Variants in CTNNBIP1 observed in about 807,000 individuals in gnomAD.
The protein encoded by CTNNBIP1 is catenin beta interacting protein 1.
CTNNBIP1 carries 7 observed loss-of-function variants against 11.8 expected under a neutral mutation model. That is an observed-to-expected ratio of 0.60 (90% confidence interval 0.34 to 1.12). The LOEUF is 1.12. Ranked by LOEUF, CTNNBIP1 falls within the 50% of genes most tolerant of loss-of-function variation. The pLI is 0.03. For synonymous variants in CTNNBIP1, 58 were observed against 43.9 expected, an observed-to-expected ratio of 1.32 and a Z score of -1.26; for missense variants, 101 against 113.4, an observed-to-expected ratio of 0.89 and a Z score of 0.50.
intron 5 of CTNNBIP1, among the ~76,000 whole-genome samples, chr1:9,858,125 T>C (rs1220404): frequency 0.17 from 25,146 of 152,134 alleles, 2,281 homozygotes; most frequent in South Asian, 0.23. Context: ...ACTTATAAGG[T>C]AGATGCTAAG....
rs1638332880 is a variant in CTNNBIP1 at position 9,849,628 on chromosome 1, G to A, written c.*1090C>T. Reference sequence around the variant, plus strand: ...TCTTTGGGGTCTCACACTGGGAGAAGCTCCTCCCCTTTCCAAGATGACCCC... The same window carrying A: ...TCTTTGGGGTCTCACACTGGGAGAAACTCCTCCCCTTTCCAAGATGACCCC... On this transcript the variant is annotated 3_prime_UTR_variant, in exon 6 of 6. Transcript: ENST00000377263. The A allele has an allele frequency of 6.6e-6, 1 of 152,274 alleles. No homozygotes were observed. Among genetic ancestry groups the A allele is most frequent in the Non-Finnish European group, 1.5e-5 (1 of 68,082 alleles). The allele number at this position is 152,274 out of a possible 1,614,324, so 9.4% of individuals were successfully genotyped here.
chr1:9,879,196 CA>C (rs35308314), intron 2 of CTNNBIP1, among the ~76,000 whole-genome samples: 6,061 of 146,752 alleles, frequency 0.041, 387 homozygotes, highest in African/African-American at 0.14. Context: ...GACTCCATCT[CA>C]AAAAAAAAAA....
chr1:9,881,599 A>G (rs541409655), intron 2 of CTNNBIP1, among the ~76,000 whole-genome samples: 2 of 151,874 alleles, frequency 1.3e-5, no homozygotes, highest in Non-Finnish European at 2.9e-5. Context: ...TCAGTCTCCC[A>G]AAGTGCTGGG....
intron 1 of CTNNBIP1, among the ~76,000 whole-genome samples, chr1:9,896,573 G>A (rs1202130333): frequency 2.0e-5 from 3 of 151,956 alleles, no homozygotes; most frequent in East Asian, 1.9e-4. Context: ...GGCGGCTCAC[G>A]CTTCTAATCC....
In CTNNBIP1 at chr1:9,894,529, TTTTTC is replaced by T. The variant is rs368076909; in HGVS notation, c.-143-10796_-143-10792del. ...CACAACCACACTCGACTGCTTTTTTTTTTTCTTTTCTTTTGTGAGACAGGGTCTCA... is the reference window on the plus strand; with the variant it reads ...CACAACCACACTCGACTGCTTTTTTTTTTTCTTTTGTGAGACAGGGTCTCA... On this transcript the variant is annotated intron_variant, in intron 1 of 5. Coordinates refer to ENST00000377263, the MANE Select transcript of CTNNBIP1 (RefSeq NM_020248.3). 3.4e-4 allele frequency among the ~76,000 whole-genome samples: 51 copies of T among 151,114 alleles called. No homozygotes were observed. In the East Asian group the frequency reaches 5.7e-3, roughly 17 times the overall value.
intron 3 of CTNNBIP1, among the ~76,000 whole-genome samples, chr1:9,874,575 C>T (rs1456298273): frequency 6.6e-6 from 1 of 152,098 alleles, no homozygotes; most frequent in East Asian, 1.9e-4. Flanking sequence ...TCTGAAAGTG[C>T]CCTGTTGGAG....
At chr1:9,891,854 T>G (rs1393515956) in intron 1 of CTNNBIP1, among the ~76,000 whole-genome samples, 1 of 134,704 alleles carries the variant, frequency 7.4e-6, no homozygotes, top group Non-Finnish European at 1.5e-5. Context: ...CAGGCTGGAG[T>G]GCAGTGGCGC....
At chr1:9,856,945 A>AATC (rs961041482) in intron 5 of CTNNBIP1, among the ~76,000 whole-genome samples, 1 of 151,522 alleles carries the variant, frequency 6.6e-6, no homozygotes, top group African/African-American at 2.4e-5. Flanking sequence ...CAACATGGTG[A>AATC]AACCCAGTCT....
chr1:9,878,345 A>G (rs1379881314), intron 2 of CTNNBIP1, among the ~76,000 whole-genome samples: 1 of 152,190 alleles, frequency 6.6e-6, no homozygotes, highest in Non-Finnish European at 1.5e-5. Flanking sequence ...TCACTCCAGG[A>G]AAGTTGATGG....
At chr1:9,876,847 C>CAT (rs1273243993) in intron 3 of CTNNBIP1, among the ~76,000 whole-genome samples, 10 of 7,376 alleles carry the variant, frequency 1.4e-3, no homozygotes, top group African/African-American at 8.6e-3. Context: ...GCTATACATA[C>CAT]ACACACACAC....
intron 1 of CTNNBIP1, among the ~76,000 whole-genome samples, chr1:9,897,224 G>A (rs1245593111): frequency 6.6e-6 from 1 of 152,102 alleles, no homozygotes; most frequent in Non-Finnish European, 1.5e-5. Flanking sequence ...GGAGGCCGAG[G>A]CGGGCGGATC....
intron 1 of CTNNBIP1, among the ~76,000 whole-genome samples, chr1:9,899,265 G>C (rs1398511998): frequency 1.3e-5 from 2 of 151,236 alleles, no homozygotes; most frequent in Admixed American, 6.6e-5. Context: ...AGACCAGCCT[G>C]GCCAACATGG....
rs1256805277 is a variant in CTNNBIP1 at position 9,888,929 on chromosome 1, C to T, written c.-143-5191G>A. Among the ~76,000 whole-genome samples, 4 of 152,208 alleles carry T rather than the reference C, an allele frequency of 2.6e-5. 1 individual carries two copies. The highest frequency in any genetic ancestry group is 7.2e-5 in the African/African-American group (3 of 41,446). On this transcript the variant is annotated intron_variant, in intron 1 of 5. Coordinates refer to ENST00000377263, the MANE Select transcript of CTNNBIP1 (RefSeq NM_020248.3). Reference sequence around the variant, plus strand: ...CACCTGACCTCATTCAATACAGCCCCGCAATGGCCAGAATGCAATGCTGCA... The same window carrying T: ...CACCTGACCTCATTCAATACAGCCCTGCAATGGCCAGAATGCAATGCTGCA...
intron 1 of CTNNBIP1, among the ~76,000 whole-genome samples, chr1:9,902,192 G>A (rs1237111740): frequency 6.6e-6 from 1 of 152,164 alleles, no homozygotes; most frequent in Non-Finnish European, 1.5e-5. Context: ...TGAGCACTGT[G>A]GAGAGCCCGC....
At chr1:9,853,245 C>T (rs1638428988) in intron 5 of CTNNBIP1, among the ~76,000 whole-genome samples, 1 of 152,184 alleles carries the variant, frequency 6.6e-6, no homozygotes, top group Non-Finnish European at 1.5e-5. Context: ...ATCTGCTTTC[C>T]TTTGGGATGA....
intron 1 of CTNNBIP1, among the ~76,000 whole-genome samples, chr1:9,905,132 C>A (rs531216026): frequency 6.6e-6 from 1 of 152,260 alleles, no homozygotes; most frequent in African/African-American, 2.4e-5. Context: ...TCTCCTAGAC[C>A]CCAGGAAAAG....
intron 3 of CTNNBIP1, among the ~76,000 whole-genome samples, chr1:9,874,261 C>A (rs1036189405): frequency 1.3e-5 from 2 of 152,114 alleles, no homozygotes; most frequent in Non-Finnish European, 2.9e-5. Flanking sequence ...TGTAAAGGCA[C>A]CTTCCTAGGG....
chr1:9,857,348 C>T (rs891012032), intron 5 of CTNNBIP1, among the ~76,000 whole-genome samples: 3 of 151,254 alleles, frequency 2.0e-5, no homozygotes, highest in Non-Finnish European at 4.4e-5. Context: ...GGTGTGGTGG[C>T]GGGCGCCTGT....
At chr1:9,863,513 G>C (rs1291943529) in intron 5 of CTNNBIP1, among the ~76,000 whole-genome samples, 1 of 152,204 alleles carries the variant, frequency 6.6e-6, no homozygotes, top group Non-Finnish European at 1.5e-5. Context: ...CAGTGCAAAG[G>C]AGGGGCCCAG....
Sources: allele counts gnomAD v4.1 joint callset (sites outside exome capture counted in the v4.1 genomes callset), GRCh38; gene constraint gnomAD v4.1.1; transcripts MANE v1.5; gene names NCBI Gene and HGNC (gene_info 2026-07-23, HGNC 2026-07-21).